GRM7: variants seen among roughly 807,000 people sequenced by gnomAD.
The protein encoded by GRM7 is glutamate metabotropic receptor 7, also known as metabotropic glutamate receptor 7.
GRM7 carries 35 observed loss-of-function variants against 84.5 expected under a neutral mutation model. That is an observed-to-expected ratio of 0.41 (90% CI 0.32 to 0.55). GRM7 has a LOEUF of 0.55. Among genes scored for constraint, GRM7 ranks in the 20% least tolerant of loss-of-function variants. The probability of loss-of-function intolerance (pLI) is 0.19; values close to 1 mark genes in which losing one functional copy is unlikely to be tolerated. For missense variants in GRM7, 1,003 were observed against 1,194.6 expected, an observed-to-expected ratio of 0.84 and a Z score of 2.36; for synonymous variants, 487 against 455.1, an observed-to-expected ratio of 1.07 and a Z score of -0.89.
intron 8 of GRM7, among the ~76,000 whole-genome samples, chr3:7,677,281 A>AAAC (rs1559481678): frequency 6.6e-6 from 1 of 150,506 alleles, no homozygotes; most frequent in African/African-American, 2.5e-5. Flanking sequence ...AAAAAAAAAA[A>AAAC]AAAAAAAAAA....
At chr3:7,077,917 A>G (rs1392259636) in intron 1 of GRM7, among the ~76,000 whole-genome samples, 1 of 152,186 alleles carries the variant, frequency 6.6e-6, no homozygotes, top group Non-Finnish European at 1.5e-5. Flanking sequence ...GATTTAAAGC[A>G]GAGGTTGGCA....
chr3:7,303,620 T>G (rs1354965807), intron 3 of GRM7, among the ~76,000 whole-genome samples: 5 of 152,090 alleles, frequency 3.3e-5, no homozygotes, highest in Non-Finnish European at 7.4e-5. Flanking sequence ...GGAAAACATT[T>G]TGTTGTTTTT....
intron 8 of GRM7, among the ~76,000 whole-genome samples, chr3:7,620,212 A>G (rs973122297): frequency 5.9e-5 from 9 of 152,306 alleles, no homozygotes; most frequent in Middle Eastern, 3.4e-3. Flanking sequence ...CAGATTTAGC[A>G]AATAAAACTA....
intron 8 of GRM7, among the ~76,000 whole-genome samples, chr3:7,630,242 C>G (rs546437327): frequency 6.6e-6 from 1 of 152,272 alleles, no homozygotes; most frequent in South Asian, 2.1e-4. Context: ...CCTTAGGAGA[C>G]AGACTACAGG....
chr3:7,701,590 C>A (rs1701232584), intron 9 of GRM7, among the ~76,000 whole-genome samples: 2 of 152,136 alleles, frequency 1.3e-5, no homozygotes, highest in Non-Finnish European at 2.9e-5. Context: ...GTGTGAGCCA[C>A]CATGCCCAGC....
At chr3:7,053,023 G>A (rs1697065333) in intron 1 of GRM7, among the ~76,000 whole-genome samples, 1 of 149,206 alleles carries the variant, frequency 6.7e-6, no homozygotes, top group Non-Finnish European at 1.5e-5. Context: ...GTGTATTTTA[G>A]CATGCCAGTT....
chr3:7,311,539 C>G (rs1489828600), intron 4 of GRM7, among the ~76,000 whole-genome samples: 3 of 152,044 alleles, frequency 2.0e-5, no homozygotes. Flanking sequence ...CATTTATCCT[C>G]CCTGTATTGT....
At chr3:7,317,235 A>G (rs1700615524) in intron 4 of GRM7, among the ~76,000 whole-genome samples, 1 of 152,094 alleles carries the variant, frequency 6.6e-6, no homozygotes, top group Non-Finnish European at 1.5e-5. Flanking sequence ...TCTATAGTGA[A>G]TACCATCCCC....
At chr3:7,483,838 A>C (rs558795994) in intron 7 of GRM7, among the ~76,000 whole-genome samples, 5 of 151,922 alleles carry the variant, frequency 3.3e-5, no homozygotes, top group Non-Finnish European at 5.9e-5. Flanking sequence ...ATACTATATT[A>C]TTTAGGAATA....
At chr3:7,656,823 T>A (rs544459340) in intron 8 of GRM7, among the ~76,000 whole-genome samples, 1 of 152,306 alleles carries the variant, frequency 6.6e-6, no homozygotes, top group South Asian at 2.1e-4. Flanking sequence ...TTTCACACTG[T>A]GCCTTTAAAT....
At chr3:7,029,470 T>C (rs1696110516) in intron 1 of GRM7, among the ~76,000 whole-genome samples, 1 of 152,224 alleles carries the variant, frequency 6.6e-6, no homozygotes, top group African/African-American at 2.4e-5. Context: ...ACAATACAAA[T>C]GTCAATTGAT....
At chr3:7,315,435 C>T (rs1209427722) in intron 4 of GRM7, among the ~76,000 whole-genome samples, 1 of 152,188 alleles carries the variant, frequency 6.6e-6, no homozygotes, top group Non-Finnish European at 1.5e-5. Context: ...AACTTTAATC[C>T]TTTGCCCCAG....
At chr3:7,692,428 AAATC>A (rs1350418169) in intron 9 of GRM7, among the ~76,000 whole-genome samples, 7 of 152,178 alleles carry the variant, frequency 4.6e-5, no homozygotes, top group Non-Finnish European at 1.0e-4. Flanking sequence ...TCCTACCAAA[AAATC>A]AATTAACAAA....
At chr3:7,109,260 G>A (rs193000834) in intron 1 of GRM7, among the ~76,000 whole-genome samples, 1 of 152,040 alleles carries the variant, frequency 6.6e-6, no homozygotes, top group African/African-American at 2.4e-5. Flanking sequence ...CTGTGAATTT[G>A]ATCATCAAGA....
At chr3:7,368,885 T>C (rs1694018778) in intron 4 of GRM7, among the ~76,000 whole-genome samples, 1 of 70,880 alleles carries the variant, frequency 1.4e-5, no homozygotes. Flanking sequence ...CATGTTGAAT[T>C]TTTAAAAATG....
In GRM7 at chr3:6,928,475, T is replaced by C. The variant is rs1163430504; in HGVS notation, c.519+66568T>C. Among the ~76,000 whole-genome samples the C allele has an allele frequency of 6.6e-6, 1 of 152,148 alleles. No individual in the cohort carries two copies. The highest frequency in any genetic ancestry group is 1.5e-5 in the Non-Finnish European group (1 of 68,024). ...TTAAATGTGAAAGTCATTATGCAAA[T>C]GATAAATATTATTTATTATTAAGTA... On this transcript the variant is annotated intron_variant, in intron 1 of 9. Coordinates refer to ENST00000357716, the MANE Select transcript of GRM7 (RefSeq NM_000844.4). The surrounding 1 kb of genome is among the most constrained non-coding windows in gnomAD (Gnocchi z 4.5).
intron 9 of GRM7, among the ~76,000 whole-genome samples, chr3:7,700,834 G>A (rs1701201016): frequency 6.6e-6 from 1 of 152,180 alleles, no homozygotes; most frequent in Admixed American, 6.5e-5. Flanking sequence ...TGGCAGGAAT[G>A]TAAATAGTTT....
intron 7 of GRM7, among the ~76,000 whole-genome samples, chr3:7,559,610 G>T (rs1693922734): frequency 6.6e-6 from 1 of 152,060 alleles, no homozygotes; most frequent in African/African-American, 2.4e-5. Context: ...AAAGAGCATT[G>T]CTTTAAGCCA....
intron 1 of GRM7, among the ~76,000 whole-genome samples, chr3:6,926,482 A>C (rs1352039499): frequency 2.6e-5 from 4 of 152,216 alleles, no homozygotes; most frequent in Non-Finnish European, 4.4e-5. Context: ...AATGCAGCCC[A>C]CAGATACTTT....
Sources: gnomAD v4.1 joint callset for allele counts (sites outside exome capture counted in the v4.1 genomes callset) on GRCh38, gnomAD v4.1.1 for gene constraint, Gnocchi (gnomAD v3.1) non-coding constraint, MANE v1.5 for transcripts, NCBI Gene and HGNC (gene_info 2026-07-23, HGNC 2026-07-21) for gene names.